Variants in ZNF676 observed in about 807,000 individuals in gnomAD.
ZNF676 encodes the protein zinc finger protein 676.
A neutral mutation model predicts 6.0 loss-of-function variants in ZNF676; 4 were observed. The observed-to-expected ratio is 0.67, with a 90% CI of 0.33 to 1.53. The LOEUF (loss-of-function observed/expected upper bound fraction) is 1.53, where lower values mean the gene tolerates loss of function less well. ZNF676 is among the 40% of genes most tolerant of loss of function. The probability of loss-of-function intolerance (pLI) is 0.06; values close to 1 mark genes in which losing one functional copy is unlikely to be tolerated. For synonymous variants in ZNF676, 198 were observed against 223.1 expected (o/e 0.89, Z 1.00); for missense variants, 644 against 679.7 (o/e 0.95, Z 0.58).
At chr19:22,190,383 G>T (rs1463498373) in intron 2 of ZNF676, among the ~76,000 whole-genome samples, 1 of 151,492 alleles carries the variant, frequency 6.6e-6, no homozygotes, top group Non-Finnish European at 1.5e-5. Context: ...CCTGCTCAAT[G>T]TAATCTACAC....
chr19:22,199,163 G>T (rs2024000147), upstream of ZNF676, among the ~76,000 whole-genome samples: 1 of 152,088 alleles, frequency 6.6e-6, no homozygotes, highest in South Asian at 2.1e-4. Context: ...GGTAATTTTG[G>T]CCCCACTCTA....
chr19:22,217,263 C>T (rs758101377), upstream of ZNF676, among the ~76,000 whole-genome samples: 1 of 152,238 alleles, frequency 6.6e-6, no homozygotes, highest in Admixed American at 6.5e-5. Flanking sequence ...AGTACAGTGG[C>T]GCGATCTCAG....
the ZNF676 span, among the ~76,000 whole-genome samples, chr19:22,228,264 T>A: frequency 6.6e-6 from 1 of 152,140 alleles, no homozygotes; most frequent in Non-Finnish European, 1.5e-5. Context: ...CACGTGATTA[T>A]CTCAATAGAT....
intron 1 of ZNF676, among the ~76,000 whole-genome samples, chr19:22,207,988 A>G (rs1327803574): frequency 6.6e-6 from 1 of 151,364 alleles, no homozygotes; most frequent in Admixed American, 6.6e-5. Context: ...AATTATAAAA[A>G]AAAAAAAAAC....
chr19:22,194,118 G>A (rs1161634997), intron 1 of ZNF676, among the ~76,000 whole-genome samples: 1 of 152,168 alleles, frequency 6.6e-6, no homozygotes, highest in African/African-American at 2.4e-5. Flanking sequence ...AACATTCCCA[G>A]ATGCTGCTTA....
chr19:22,183,719 A>C (rs936111071), intron 2 of ZNF676, among the ~76,000 whole-genome samples: 1 of 152,232 alleles, frequency 6.6e-6, no homozygotes, highest in African/African-American at 2.4e-5. Context: ...AAAAGACTCA[A>C]AGTGGCAAGA....
chr19:22,210,996 G>C (rs1010866759), intron 1 of ZNF676, among the ~76,000 whole-genome samples: 8 of 149,984 alleles, frequency 5.3e-5, no homozygotes, highest in Admixed American at 5.3e-4. Flanking sequence ...AATCTTATTT[G>C]TTTTCTCTAG....
chr19:22,230,593 CAT>C, the ZNF676 span, among the ~76,000 whole-genome samples: 1 of 150,650 alleles, frequency 6.6e-6, no homozygotes, highest in Non-Finnish European at 1.5e-5. Flanking sequence ...TATATGAATG[CAT>C]ATATATGTGT....
Position 22,212,199 on chromosome 19 carries a change from C to CAAA in ZNF676, c.3+3430_3+3432dup, listed in dbSNP as rs34421901. 1.7e-3 allele frequency among the ~76,000 whole-genome samples: 203 copies of CAAA among 119,058 alleles called. 1 individual carries two copies. Among genetic ancestry groups the CAAA allele is most frequent in the East Asian group, 2.8e-3 (12 of 4,262 alleles). 78.1% of individuals were successfully genotyped at this position (119,058 alleles called of 152,430 possible). A position where few individuals can be genotyped will look rare whatever the true frequency, so the allele number is the denominator to read the frequency against. On this transcript the variant is annotated intron_variant, in intron 1 of 3. Transcript: ENST00000650058. ...TGGGTGACAGAGCGAGATTCTGTCT[C>CAAA]AAAAAAAAAAAAAAAGAAAAGAAAA...
the ZNF676 span, chr19:22,243,688 A>G: frequency 6.7e-6 from 1 of 149,934 alleles, no homozygotes; most frequent in East Asian, 1.9e-4. Flanking sequence ...CTTTCTGAGC[A>G]TAGTTGGCAA....
chr19:22,259,969 C>A, the ZNF676 span, among the ~76,000 whole-genome samples: 1 of 152,158 alleles, frequency 6.6e-6, no homozygotes, highest in African/African-American at 2.4e-5. Flanking sequence ...TACCTAGGTG[C>A]TGGATCCTGT....
intron 1 of ZNF676, among the ~76,000 whole-genome samples, chr19:22,208,747 C>T (rs1326459554): frequency 1.2e-4 from 18 of 151,900 alleles, no homozygotes. Context: ...AGTTTGAGAC[C>T]GGCATGGACA....
the ZNF676 span, chr19:22,244,303 A>G: frequency 3.9e-5 from 6 of 152,082 alleles, no homozygotes; most frequent in Non-Finnish European, 8.8e-5. Context: ...TGGCCTCCCA[A>G]AGTGCTGGGA....
chr19:22,215,051 A>AAC (rs10634808), intron 1 of ZNF676, among the ~76,000 whole-genome samples: 27,833 of 137,104 alleles, frequency 0.2, 3,190 homozygotes, highest in Middle Eastern at 0.26. Flanking sequence ...AAAAAAAAAA[A>AAC]AAAAAAAAAC....
chr19:22,212,973 C>T (rs937554065), intron 1 of ZNF676, among the ~76,000 whole-genome samples: 10 of 151,464 alleles, frequency 6.6e-5, no homozygotes, highest in East Asian at 5.8e-4. Context: ...CCAGCCTGGG[C>T]GACAGAGGGA....
chr19:22,251,574 T>C, the ZNF676 span, among the ~76,000 whole-genome samples: 2 of 152,016 alleles, frequency 1.3e-5, no homozygotes, highest in African/African-American at 2.4e-5. Context: ...CAGATCACGA[T>C]GTCAGGGGTT....
the ZNF676 span, among the ~76,000 whole-genome samples, chr19:22,253,426 A>G: frequency 1.4e-3 from 83 of 61,140 alleles, no homozygotes; most frequent in South Asian, 0.02. Context: ...ATGATAATGT[A>G]TATATATATG....
upstream of ZNF676, among the ~76,000 whole-genome samples, chr19:22,201,402 T>C (rs1235346194): frequency 6.6e-6 from 1 of 152,186 alleles, no homozygotes; most frequent in African/African-American, 2.4e-5. Context: ...TCCTGTTGGT[T>C]TTCTGTAAAT....
intron 1 of ZNF676, among the ~76,000 whole-genome samples, chr19:22,215,469 C>T (rs1443506296): frequency 6.6e-6 from 1 of 152,180 alleles, no homozygotes; most frequent in African/African-American, 2.4e-5. Context: ...GCCCGGCGGC[C>T]CGCGCAGCCG....
Sources: allele counts gnomAD v4.1 joint callset (sites outside exome capture counted in the v4.1 genomes callset), GRCh38; gene constraint gnomAD v4.1.1; transcripts MANE v1.5; gene names NCBI Gene and HGNC (gene_info 2026-07-23, HGNC 2026-07-21).